The following TMEM232 variants were observed in gnomAD, a reference collection of about 807,000 sequenced individuals.
TMEM232 encodes transmembrane protein 232.
A neutral mutation model predicts 78.8 loss-of-function variants in TMEM232; 80 were observed. The observed-to-expected ratio is 1.01, with a 90% CI of 0.85 to 1.22. TMEM232 has a LOEUF of 1.22. Ranked by LOEUF, TMEM232 falls within the 50% of genes most tolerant of loss-of-function variation. The pLI, the probability that TMEM232 is intolerant of heterozygous loss-of-function variation, is 0.00. For synonymous variants in TMEM232, 297 were observed against 254.3 expected (o/e 1.17, Z -1.60); for missense variants, 881 against 742.2 (o/e 1.19, Z -2.17).
intron 1 of TMEM232, among the ~76,000 whole-genome samples, chr5:110,722,930 T>C (rs189492678): frequency 3.3e-5 from 5 of 152,268 alleles, no homozygotes; most frequent in African/African-American, 4.8e-5. Flanking sequence ...TTGAGGCTAT[T>C]TGGATATATT....
chr5:110,389,142 T>C (rs1023732654), intron 4 of TMEM232, among the ~76,000 whole-genome samples: 3 of 152,166 alleles, frequency 2.0e-5, no homozygotes, highest in Non-Finnish European at 4.4e-5. Flanking sequence ...ATGCCTGTTA[T>C]CACTGCTACT....
In TMEM232 at chr5:110,391,971, C is replaced by T. The variant is rs1031986035; in HGVS notation, n.391-1331G>A. 2.0e-5 allele frequency among the ~76,000 whole-genome samples: 3 copies of T among 152,126 alleles called. 1 individual carries two copies. The highest frequency in any genetic ancestry group is 7.2e-5 in the African/African-American group (3 of 41,404). ...GAGCTTGGTACATGACATTGTATCT[C>T]CTACATATGCATCATATGGCATATG... is the stretch of plus-strand genomic sequence containing the variant. On this transcript the variant is annotated intron_variant and non_coding_transcript_variant, in intron 3 of 8. Coordinates refer to the TMEM232 transcript ENST00000507188.
chr5:110,662,864 G>C (rs1034425114), intron 2 of TMEM232, among the ~76,000 whole-genome samples: 2 of 151,498 alleles, frequency 1.3e-5, no homozygotes, highest in Non-Finnish European at 2.9e-5. Context: ...AAAACAATAA[G>C]GTTTTTAGAA....
chr5:110,580,671 C>A (rs1244743552), intron 10 of TMEM232, among the ~76,000 whole-genome samples: 1 of 151,276 alleles, frequency 6.6e-6, no homozygotes, highest in Non-Finnish European at 1.5e-5. Context: ...AGCCAACTTG[C>A]ACAATACTAA....
chr5:110,515,917 A>G (rs771167439), intron 12 of TMEM232, among the ~76,000 whole-genome samples: 2 of 152,158 alleles, frequency 1.3e-5, no homozygotes, highest in African/African-American at 4.8e-5. Context: ...GCTTTCTTCC[A>G]GGTGCTAGTT....
At chr5:110,477,029 C>T (rs1763328862) in intron 12 of TMEM232, among the ~76,000 whole-genome samples, 1 of 151,962 alleles carries the variant, frequency 6.6e-6, no homozygotes. Context: ...AATAAATTAA[C>T]TGTATGACTG....
At chr5:110,726,226 G>A (rs769535109) in intron 1 of TMEM232, among the ~76,000 whole-genome samples, 35 of 151,822 alleles carry the variant, frequency 2.3e-4, no homozygotes, top group Admixed American at 1.0e-3. Flanking sequence ...TCAAAAAGGT[G>A]CAATTTCACC....
rs1315690857 is a variant in TMEM232 at position 110,420,725 on chromosome 5, T to C, written c.1829A>G (p.Glu610Gly). 2.2e-5 allele frequency: 34 copies of C among 1,524,808 alleles called. No homozygotes were observed. The highest frequency in any genetic ancestry group is 2.8e-5 in the Non-Finnish European group (32 of 1,143,778). The allele number at this position is 1,524,808 out of a possible 1,614,324, so 94.5% of individuals were successfully genotyped here. A position where few individuals can be genotyped will look rare whatever the true frequency, so the allele number is the denominator to read the frequency against. Residue 610 changes from glutamate (E) to glycine (G), a missense_variant, in exon 14 of 14, where the codon GAA (glutamate) becomes GGA (glycine). Glu to Gly is a moderately conservative substitution (Grantham distance 98). Coordinates refer to ENST00000455884, the MANE Select transcript of TMEM232 (RefSeq NM_001039763.4). The stretch of plus-strand genomic sequence containing the variant: ...TTCTTGGGCCTTGCATATTGCATCT[T>C]CTTTTTCTCGGATCTTTAGCTCTTC... Reference protein sequence around the residue: ...WQEELKIREKEDAICKAQELK... With the variant: ...WQEELKIREKGDAICKAQELK...
chr5:110,666,227 T>A (rs1231652739), intron 2 of TMEM232, among the ~76,000 whole-genome samples: 1 of 152,168 alleles, frequency 6.6e-6, no homozygotes, highest in Non-Finnish European at 1.5e-5. Flanking sequence ...TACTATCTGG[T>A]AGGCTGAAAA....
chr5:110,568,574 T>C lies in TMEM232; in HGVS notation c.1328A>G (p.Lys443Arg). ...GYYGLVYNLV[K>R]ISWELQGDEE... The stretch of plus-strand genomic sequence containing the variant: ...GTCTCCTTGAAGTTCCCATGAAATT[T>C]TCACCAGGTTATACACTAAGCCATA... The change falls in exon 11 of 14, where the codon AAA becomes AGA. Residue 443 changes from lysine (K) to arginine (R), a missense_variant. Lys to Arg is a conservative substitution (Grantham distance 26). Coordinates refer to ENST00000455884, the MANE Select transcript of TMEM232 (RefSeq NM_001039763.4). 6.5e-7 allele frequency: 1 copy of C among 1,549,624 alleles called. No individual in the cohort carries two copies. Among genetic ancestry groups the C allele is most frequent in the Non-Finnish European group, 8.7e-7 (1 of 1,145,804 alleles).
intron 12 of TMEM232, among the ~76,000 whole-genome samples, chr5:110,479,378 C>CTATT (rs976038716): frequency 1.1e-4 from 17 of 151,822 alleles, no homozygotes; most frequent in African/African-American, 4.1e-4. Flanking sequence ...TGAATGCATT[C>CTATT]TATTAAACAA....
At chr5:110,672,624 A>C (rs1369682736) in intron 1 of TMEM232, among the ~76,000 whole-genome samples, 1 of 152,200 alleles carries the variant, frequency 6.6e-6, no homozygotes, top group East Asian at 1.9e-4. Context: ...GTTGGAATTA[A>C]ATCCCCAATA....
intron 12 of TMEM232, among the ~76,000 whole-genome samples, chr5:110,514,257 G>C (rs1012806727): frequency 6.6e-6 from 1 of 151,810 alleles, no homozygotes; most frequent in Non-Finnish European, 1.5e-5. Context: ...AAGCAGGAAG[G>C]GAAACATAAA....
chr5:110,415,479 G>GC (rs1458814952), downstream of TMEM232, among the ~76,000 whole-genome samples: 1 of 151,084 alleles, frequency 6.6e-6, no homozygotes, highest in Admixed American at 6.6e-5. Context: ...GAGCCACCGT[G>GC]CCCGACCCCA....
chr5:110,684,852 G>T (rs1024659501), intron 1 of TMEM232: 1 of 151,968 alleles, frequency 6.6e-6, no homozygotes, highest in Non-Finnish European at 1.5e-5. Flanking sequence ...AGTTGTATAC[G>T]GGGTGTGTTT....
chr5:110,474,683 A>G (rs2149382457), intron 12 of TMEM232, among the ~76,000 whole-genome samples: 1 of 152,090 alleles, frequency 6.6e-6, no homozygotes, highest in East Asian at 1.9e-4. Flanking sequence ...AAATAATTAG[A>G]CTTAATATGC....
At chr5:110,568,414 T>C in intron 11 of TMEM232, 33 bp downstream of exon 11, 1 of 1,495,132 alleles carries the variant, frequency 6.7e-7, no homozygotes, top group South Asian at 1.3e-5. Flanking sequence ...TAATGATAGA[T>C]GTACATATTT....
At chr5:110,684,422 G>A (rs2150194868) in intron 1 of TMEM232, among the ~76,000 whole-genome samples, 1 of 152,070 alleles carries the variant, frequency 6.6e-6, no homozygotes, top group East Asian at 1.9e-4. Flanking sequence ...ATGGCTTTTG[G>A]CTCCTGTCTC....
At chr5:110,635,783 G>C (rs377136791) in intron 5 of TMEM232, among the ~76,000 whole-genome samples, 1 of 151,906 alleles carries the variant, frequency 6.6e-6, no homozygotes, top group African/African-American at 2.4e-5. Context: ...AGGATACAGA[G>C]AAAAGAGAAT....
Sources: gnomAD v4.1 joint callset for allele counts (sites outside exome capture counted in the v4.1 genomes callset) on GRCh38, gnomAD v4.1.1 for gene constraint, MANE v1.5 for transcripts, NCBI Gene and HGNC (gene_info 2026-07-23, HGNC 2026-07-21) for gene names.